PCDH9: variants seen among roughly 807,000 people sequenced by gnomAD.
PCDH9 encodes protocadherin 9.
In PCDH9, 24 loss-of-function variants were observed where a neutral mutation model predicts 70.6. The observed-to-expected ratio is 0.34, with a 90% CI of 0.25 to 0.48. The LOEUF is 0.48. Ranked by LOEUF, PCDH9 falls within the 20% of genes least tolerant of loss-of-function variation. PCDH9 has a pLI of 0.99. For missense variants in PCDH9, 1,281 were observed against 1,503.6 expected (o/e 0.85, Z 2.45); for synonymous variants, 562 against 558.5 (o/e 1.01, Z -0.09).
At chr13:66,905,567 G>A (rs557212275) in intron 2 of PCDH9, among the ~76,000 whole-genome samples, 5 of 152,156 alleles carry the variant, frequency 3.3e-5, no homozygotes, top group African/African-American at 9.6e-5. Context: ...TAGCCCTCAG[G>A]AAGCTAGAGT....
At chr13:66,893,054 GTTCT>G (rs1177413844) in intron 3 of PCDH9, among the ~76,000 whole-genome samples, 1 of 152,082 alleles carries the variant, frequency 6.6e-6, no homozygotes, top group Admixed American at 6.6e-5. Context: ...TGGAATATGT[GTTCT>G]TTGAGTATCA....
At chr13:67,171,167 T>C (rs1231582085) in intron 2 of PCDH9, among the ~76,000 whole-genome samples, 1 of 152,176 alleles carries the variant, frequency 6.6e-6, no homozygotes, top group Non-Finnish European at 1.5e-5. Flanking sequence ...ATTTTATTTT[T>C]CCAAGTAAAT....
chr13:66,873,199 G>A (rs1056897405), intron 3 of PCDH9, among the ~76,000 whole-genome samples: 8 of 152,036 alleles, frequency 5.3e-5, no homozygotes, highest in Admixed American at 1.3e-4. Context: ...ATATTCATGC[G>A]TCAGTCTACT....
intron 3 of PCDH9, among the ~76,000 whole-genome samples, chr13:66,745,319 T>G (rs913756552): frequency 2.6e-5 from 4 of 152,294 alleles, no homozygotes. Context: ...AAAACCCTAA[T>G]ACACAGTTTC....
rs1955425103 is a variant in PCDH9, at chr13:66,304,377, C to T, written c.*278G>A. 3.4e-6 allele frequency: 1 copy of T among 295,502 alleles called. No individual in the cohort carries two copies. Among genetic ancestry groups the T allele is most frequent in the African/African-American group, 2.1e-5 (1 of 46,786 alleles). The allele number at this position is 295,502 out of a possible 1,614,324, so 18.3% of individuals were successfully genotyped here. ...ATGCATATTCTATTGTTCATAGCAG[C>T]AGTCCAGGGTCAAAATAAAATGCAA... On this transcript the variant is annotated 3_prime_UTR_variant, in exon 5 of 5. Coordinates refer to ENST00000377865, the MANE Select transcript of PCDH9 (RefSeq NM_203487.3).
At chr13:66,662,654 T>C (rs941641137) in intron 3 of PCDH9, among the ~76,000 whole-genome samples, 3 of 152,176 alleles carry the variant, frequency 2.0e-5, no homozygotes, top group African/African-American at 7.2e-5. Context: ...TGAAGAGTTA[T>C]GTGGGGAAAC....
Position 67,156,903 on chromosome 13 carries a change from T to A in PCDH9, c.3036+68502A>T, listed in dbSNP as rs1417350420. 2.0e-5 allele frequency among the ~76,000 whole-genome samples: 3 copies of A among 152,130 alleles called. No homozygotes were observed. The East Asian group carries it at 5.8e-4, about 29-fold the overall frequency. On this transcript the variant is annotated intron_variant, in intron 2 of 4. Transcript: ENST00000377865. Reference sequence around the variant, plus strand: ...GGGGCACTGGAGAGCCACACCCACATCGCATGCCCTGCCGGGGGACTACTG... The same window carrying A: ...GGGGCACTGGAGAGCCACACCCACAACGCATGCCCTGCCGGGGGACTACTG...
intron 4 of PCDH9, among the ~76,000 whole-genome samples, chr13:66,403,782 G>A (rs1957230968): frequency 1.3e-5 from 2 of 152,114 alleles, no homozygotes; most frequent in African/African-American, 4.8e-5. Flanking sequence ...AATAAGGCTG[G>A]AAAAAGCAAA....
At chr13:67,216,827 C>T (rs911729781) in intron 2 of PCDH9, 2 of 151,280 alleles carry the variant, frequency 1.3e-5, no homozygotes, top group Non-Finnish European at 2.9e-5. Flanking sequence ...TAGTGAATGA[C>T]AAGAAATGGA....
chr13:66,590,308 T>C (rs17495045), intron 4 of PCDH9, among the ~76,000 whole-genome samples: 3,010 of 152,054 alleles, frequency 0.02, 56 homozygotes, highest in South Asian at 0.049. Flanking sequence ...AATGTTCATA[T>C]TGAGGCTTTG....
chr13:66,501,398 T>A (rs1959176532), intron 4 of PCDH9, among the ~76,000 whole-genome samples: 1 of 152,106 alleles, frequency 6.6e-6, no homozygotes, highest in Non-Finnish European at 1.5e-5. Flanking sequence ...CTCTCAAATG[T>A]CAAATATTCT....
chr13:67,141,629 T>C (rs1002728289), intron 2 of PCDH9, among the ~76,000 whole-genome samples: 1 of 151,544 alleles, frequency 6.6e-6, no homozygotes, highest in Non-Finnish European at 1.5e-5. Flanking sequence ...CCATTAGAGA[T>C]AGAGTTTCAC....
intron 4 of PCDH9, among the ~76,000 whole-genome samples, chr13:66,585,934 C>G (rs2076956605): frequency 6.6e-6 from 1 of 152,054 alleles, no homozygotes; most frequent in Admixed American, 6.6e-5. Flanking sequence ...CAAGCAGAGC[C>G]CATTAAATGA....
chr13:66,545,561 C>A (rs1961147528), intron 4 of PCDH9, among the ~76,000 whole-genome samples: 1 of 152,112 alleles, frequency 6.6e-6, no homozygotes, highest in Non-Finnish European at 1.5e-5. Flanking sequence ...ACGTCTATAA[C>A]TATGGTCTCA....
At chr13:67,029,683 A>G (rs996903567) in intron 2 of PCDH9, among the ~76,000 whole-genome samples, 2 of 152,158 alleles carry the variant, frequency 1.3e-5, no homozygotes, top group South Asian at 4.1e-4. Context: ...CTTATTCATC[A>G]TTTTTTCCAA....
intron 4 of PCDH9, among the ~76,000 whole-genome samples, chr13:66,319,139 C>T (rs546466064): frequency 4.0e-4 from 61 of 152,174 alleles, no homozygotes; most frequent in Non-Finnish European, 6.6e-4. Context: ...CTTCACAAGG[C>T]GGCAGGAGAG....
rs370618824 is a variant in PCDH9, at chr13:66,562,445, A to C, written c.3340+68765T>G. Among the ~76,000 whole-genome samples the C allele has an allele frequency of 3.3e-5, 5 of 152,284 alleles. No individual in the cohort carries two copies. In the East Asian group the frequency reaches 9.7e-4, roughly 29 times the overall value. On this transcript the variant is annotated intron_variant, in intron 4 of 4. Transcript: ENST00000377865. ...GACTAGGTAATTTATTAAAAAAAAG[A>C]GGTTTAATGGACTCACAGTTCCGCA...
At chr13:66,854,311 C>T (rs2081360566) in intron 3 of PCDH9, among the ~76,000 whole-genome samples, 1 of 152,148 alleles carries the variant, frequency 6.6e-6, no homozygotes, top group East Asian at 1.9e-4. Context: ...CCTGACCTGA[C>T]ATTTCTTCAA....
intron 4 of PCDH9, among the ~76,000 whole-genome samples, chr13:66,469,732 T>G (rs934273040): frequency 2.0e-5 from 3 of 152,170 alleles, no homozygotes; most frequent in Admixed American, 2.0e-4. Context: ...TCGCCTCTTA[T>G]TTGTACATAA....
Sources: allele counts gnomAD v4.1 joint callset (sites outside exome capture counted in the v4.1 genomes callset), GRCh38; gene constraint gnomAD v4.1.1; transcripts MANE v1.5; gene names NCBI Gene and HGNC (gene_info 2026-07-23, HGNC 2026-07-21).